The following CTDSPL variants were observed in gnomAD, a reference collection of about 807,000 sequenced individuals.
CTDSPL encodes the protein CTD small phosphatase like, also known as CTD small phosphatase-like protein.
Under a neutral mutation model 30.5 loss-of-function variants are expected in CTDSPL, and 8 were observed. The observed-to-expected ratio is 0.26, with a 90% CI of 0.15 to 0.47. The LOEUF (loss-of-function observed/expected upper bound fraction) is 0.47. CTDSPL is among the 20% of genes least tolerant of loss of function. The pLI is 0.99. For missense variants in CTDSPL, 248 were observed against 366.1 expected, an observed-to-expected ratio of 0.68 and a Z score of 2.63; for synonymous variants, 110 against 137.9, an observed-to-expected ratio of 0.80 and a Z score of 1.42.
At chr3:37,877,105 C>CAAA (rs35298466) in intron 1 of CTDSPL, among the ~76,000 whole-genome samples, 1 of 84,592 alleles carries the variant, frequency 1.2e-5, no homozygotes, top group Non-Finnish European at 2.5e-5. Flanking sequence ...GACTCTGTCT[C>CAAA]AAAAAAAAAA....
chr3:37,979,417 A>G (rs1353690523), intron 7 of CTDSPL, among the ~76,000 whole-genome samples: 2 of 152,146 alleles, frequency 1.3e-5, no homozygotes, highest in Non-Finnish European at 2.9e-5. Flanking sequence ...AGCCTGACCA[A>G]CATGGTGAAA....
At chr3:37,969,673 T>C (rs1203942427) in intron 5 of CTDSPL, among the ~76,000 whole-genome samples, 2 of 152,034 alleles carry the variant, frequency 1.3e-5, no homozygotes, top group Non-Finnish European at 2.9e-5. Context: ...AAAGTGGGAG[T>C]CTGCAGCTGT....
chr3:37,907,807 A>G (rs933587788), intron 1 of CTDSPL, among the ~76,000 whole-genome samples: 6 of 152,250 alleles, frequency 3.9e-5, no homozygotes, highest in African/African-American at 1.4e-4. Context: ...GATATACTTT[A>G]AGCATGTTAG....
Position 37,981,959 on chromosome 3 carries a change from A to G in CTDSPL, c.*1092A>G, listed in dbSNP as rs1019002613. The stretch of plus-strand genomic sequence containing the variant: ...AGAATATGCTCACTGCTAAGCTACA[A>G]ACTCGGACAGGGTCAGAAACAGAGG... On this transcript the variant is annotated 3_prime_UTR_variant, in exon 8 of 8. Transcript: ENST00000273179. 4.9e-5 allele frequency: 22 copies of G among 452,230 alleles called. No homozygotes were observed. The highest frequency in any genetic ancestry group is 8.9e-5 in the Non-Finnish European group (20 of 223,768). 28.0% of individuals were successfully genotyped at this position (452,230 alleles called of 1,614,324 possible).
At chr3:37,886,826 C>T (rs1049635890) in intron 1 of CTDSPL, among the ~76,000 whole-genome samples, 5 of 152,200 alleles carry the variant, frequency 3.3e-5, no homozygotes, top group Non-Finnish European at 1.5e-5. Flanking sequence ...AATCCACACT[C>T]CTAAGCCCAA....
intron 5 of CTDSPL, chr3:37,969,612 CTG>C: frequency 2.9e-6 from 1 of 345,682 alleles, no homozygotes. Context: ...CCCAGGGTGA[CTG>C]AGGACTACAG....
intron 1 of CTDSPL, among the ~76,000 whole-genome samples, chr3:37,866,560 A>C (rs1319659196): frequency 1.3e-5 from 2 of 152,180 alleles, no homozygotes; most frequent in African/African-American, 4.8e-5. Context: ...GAAAGAAATA[A>C]TTTGAGGGAA....
chr3:37,881,744 T>C (rs369652813), intron 1 of CTDSPL, among the ~76,000 whole-genome samples: 6 of 152,092 alleles, frequency 3.9e-5, no homozygotes, highest in African/African-American at 1.4e-4. Flanking sequence ...CTATATAGTG[T>C]ATGGATATAT....
chr3:37,951,863 G>A (rs1206635794), intron 2 of CTDSPL, among the ~76,000 whole-genome samples: 7 of 152,054 alleles, frequency 4.6e-5, no homozygotes, highest in Non-Finnish European at 8.8e-5. Flanking sequence ...ATAATAAATA[G>A]CAAACATAAC....
chr3:37,877,683 TAAAG>T (rs1202066768), intron 1 of CTDSPL, among the ~76,000 whole-genome samples: 4 of 152,206 alleles, frequency 2.6e-5, no homozygotes, highest in Non-Finnish European at 5.9e-5. Flanking sequence ...TGCATTGCTA[TAAAG>T]AAACACATTT....
At position 37,947,201 on chromosome 3, in the gene CTDSPL, G is replaced by A. The variant is rs115062878; in HGVS notation, c.224G>A (p.Gly75Glu). 1 of 1,611,882 alleles carries A rather than the reference G, an allele frequency of 6.2e-7. No homozygotes were observed. Among genetic ancestry groups the A allele is most frequent in the African/African-American group, 1.3e-5 (1 of 74,978 alleles). The change falls in exon 2 of 8, where the codon GGG becomes GAG. Residue 75 changes from glycine (G) to glutamate (E), a missense_variant. This residue lies in a region of CTDSPL where 118 missense variants were observed against 124.7 expected (regional missense o/e 0.95). Coordinates refer to ENST00000273179, the MANE Select transcript of CTDSPL (RefSeq NM_001008392.2). Reference sequence around the variant, plus strand: ...CCGCCACTGGTGGAGGAGAATGGTGGGCTTCAGAAGGTCAGTACTGGTGAG... The same window carrying A: ...CCGCCACTGGTGGAGGAGAATGGTGAGCTTCAGAAGGTCAGTACTGGTGAG... ...VLPPLVEENG[G>E]LQKGDQRQVI...
chr3:37,895,170 T>C (rs775471665), intron 1 of CTDSPL, among the ~76,000 whole-genome samples: 11 of 152,196 alleles, frequency 7.2e-5, no homozygotes, highest in Non-Finnish European at 1.6e-4. Context: ...TATTCCTCTG[T>C]ACAGGTTTTC....
At chr3:37,883,355 C>T (rs1032712489) in intron 1 of CTDSPL, among the ~76,000 whole-genome samples, 4 of 152,198 alleles carry the variant, frequency 2.6e-5, no homozygotes, top group African/African-American at 9.7e-5. Context: ...GAATTTTTAA[C>T]CTGGAGTCCA....
intron 1 of CTDSPL, among the ~76,000 whole-genome samples, chr3:37,879,258 A>G (rs908452699): frequency 2.6e-5 from 4 of 152,270 alleles, no homozygotes; most frequent in African/African-American, 4.8e-5. Flanking sequence ...CACTTAGAAA[A>G]TAATGTAGAG....
intron 1 of CTDSPL, among the ~76,000 whole-genome samples, chr3:37,898,930 G>T (rs1698419005): frequency 6.6e-6 from 1 of 152,182 alleles, no homozygotes; most frequent in Non-Finnish European, 1.5e-5. Context: ...AAAACAGCAG[G>T]TGCCAAAGCC....
At chr3:37,960,080 C>T (rs528313772) in intron 3 of CTDSPL, among the ~76,000 whole-genome samples, 21 of 152,018 alleles carry the variant, frequency 1.4e-4, no homozygotes, top group African/African-American at 4.8e-4. Context: ...TGGCCGGGTG[C>T]GGTGGCTCAC....
rs376944183 is a variant in CTDSPL, at chr3:37,862,442, G to C, written c.79+164G>C. Among the ~76,000 whole-genome samples, 1 of 152,136 alleles carries C rather than the reference G, an allele frequency of 6.6e-6. No homozygotes were observed. Among genetic ancestry groups the C allele is most frequent in the Non-Finnish European group, 1.5e-5 (1 of 68,000 alleles). On this transcript the variant is annotated intron_variant, in intron 1 of 7. Transcript: ENST00000273179. This position sits in a 1 kb window ranked among gnomAD's most constrained non-coding sequence, Gnocchi z 4.3. ...GAGGAGAGCGAGGCTGCCAGAGTGCGTGTGCCGACTGAGCCAGTGTGAGTG... is the reference window on the plus strand; with the variant it reads ...GAGGAGAGCGAGGCTGCCAGAGTGCCTGTGCCGACTGAGCCAGTGTGAGTG...
intron 3 of CTDSPL, among the ~76,000 whole-genome samples, chr3:37,960,807 C>T (rs1575319098): frequency 1.3e-5 from 2 of 152,146 alleles, no homozygotes; most frequent in Middle Eastern, 3.4e-3. Flanking sequence ...TGAGTTTGAA[C>T]AGCTTTTCAC....
rs756477392 is a variant in CTDSPL at position 37,982,690 on chromosome 3, CA to C, written c.*1826del. ...AGGTCTCCCAGCATTCTGAGTGTTC[CA>C]AACCAGTAATCCACATGCCAATTCA... On this transcript the variant is annotated 3_prime_UTR_variant, in exon 8 of 8. Coordinates refer to ENST00000273179, the MANE Select transcript of CTDSPL (RefSeq NM_001008392.2). The C allele has an allele frequency of 4.6e-5, 21 of 456,096 alleles. No homozygotes were observed. Among genetic ancestry groups the C allele is most frequent in the Non-Finnish European group, 8.8e-5 (20 of 226,604 alleles). 28.3% of individuals were successfully genotyped at this position (456,096 alleles called of 1,614,324 possible). A position where few individuals can be genotyped will look rare whatever the true frequency, so the allele number is the denominator to read the frequency against.
Sources: gnomAD v4.1 joint callset for allele counts (sites outside exome capture counted in the v4.1 genomes callset) on GRCh38, gnomAD v4.1.1 for gene constraint, gnomAD v4.1.1 regional missense constraint, Gnocchi (gnomAD v3.1) non-coding constraint, MANE v1.5 for transcripts, NCBI Gene and HGNC (gene_info 2026-07-23, HGNC 2026-07-21) for gene names.